The following WDR89 variants were observed in gnomAD, a reference collection of about 807,000 sequenced individuals.
The protein encoded by WDR89 is WD repeat domain 89, also known as WD repeat-containing protein 89.
Under a neutral mutation model 29.1 loss-of-function variants are expected in WDR89, and 17 were observed. That is an observed-to-expected ratio of 0.58 (90% CI 0.40 to 0.88). The LOEUF (loss-of-function observed/expected upper bound fraction) is 0.88, where lower values mean the gene tolerates loss of function less well. Among genes scored for constraint, WDR89 ranks in the 40% least tolerant of loss-of-function variants. The pLI is 0.00. For synonymous variants in WDR89, 138 were observed against 157.8 expected, an observed-to-expected ratio of 0.87 and a Z score of 0.94; for missense variants, 396 against 456.3, an observed-to-expected ratio of 0.87 and a Z score of 1.20.
intron 1 of WDR89, among the ~76,000 whole-genome samples, chr14:63,632,576 T>G (rs985335589): frequency 6.6e-6 from 1 of 152,126 alleles, no homozygotes; most frequent in Non-Finnish European, 1.5e-5. Flanking sequence ...GAGGTTGCAG[T>G]GAGCCGTGAT....
intron 2 of WDR89, among the ~76,000 whole-genome samples, chr14:63,605,127 C>T (rs1414068920): frequency 1.3e-5 from 2 of 151,074 alleles, no homozygotes; most frequent in Non-Finnish European, 2.9e-5. Flanking sequence ...TCAGCCTCGG[C>T]GACAGAGCAA....
intron 1 of WDR89, among the ~76,000 whole-genome samples, chr14:63,633,561 G>C: frequency 6.6e-6 from 1 of 152,048 alleles, no homozygotes; most frequent in Middle Eastern, 3.2e-3. Flanking sequence ...TTCCAAATTA[G>C]GAGACCATTC....
At chr14:63,630,035 C>T (rs1050630062) in intron 1 of WDR89, among the ~76,000 whole-genome samples, 5 of 152,068 alleles carry the variant, frequency 3.3e-5, no homozygotes, top group African/African-American at 1.2e-4. Context: ...GCAACTGCTG[C>T]CTCCCAGGTT....
intron 2 of WDR89, among the ~76,000 whole-genome samples, chr14:63,602,240 C>T (rs929806171): frequency 1.1e-4 from 16 of 152,058 alleles, no homozygotes; most frequent in African/African-American, 3.4e-4. Flanking sequence ...TTCTGGAGGC[C>T]GAGGCAGCGA....
At chr14:63,624,608 C>A (rs1031317345) in intron 2 of WDR89, among the ~76,000 whole-genome samples, 1 of 150,508 alleles carries the variant, frequency 6.6e-6, no homozygotes, top group African/African-American at 2.4e-5. Flanking sequence ...ATAAAGAATT[C>A]TTGCAACCAA....
intron 2 of WDR89, among the ~76,000 whole-genome samples, chr14:63,610,971 G>T (rs1881949021): frequency 6.6e-6 from 1 of 151,756 alleles, no homozygotes; most frequent in South Asian, 2.1e-4. Context: ...AAGTGCTGGG[G>T]TTATAGGCAT....
intron 1 of WDR89, among the ~76,000 whole-genome samples, chr14:63,634,521 CAAA>C (rs536589308): frequency 8.2e-6 from 1 of 121,368 alleles, no homozygotes. Flanking sequence ...GACTCCCTCT[CAAA>C]AAAAAAAAAA....
chr14:63,640,796 T>C (rs1884064491), intron 1 of WDR89, among the ~76,000 whole-genome samples: 1 of 148,224 alleles, frequency 6.7e-6, no homozygotes, highest in Non-Finnish European at 1.5e-5. Context: ...TTTAAATAAT[T>C]TCAAATTAAT....
intron 2 of WDR89, among the ~76,000 whole-genome samples, chr14:63,602,065 T>C (rs910061202): frequency 1.3e-5 from 2 of 152,244 alleles, no homozygotes; most frequent in African/African-American, 4.8e-5. Context: ...TTCTTAAGCA[T>C]CTGTCTTTTC....
intron 1 of WDR89, among the ~76,000 whole-genome samples, chr14:63,633,153 T>C (rs1403619310): frequency 6.6e-6 from 1 of 152,030 alleles, no homozygotes; most frequent in African/African-American, 2.4e-5. Flanking sequence ...GTTAAAGAAA[T>C]GCAATATGTA....
chr14:63,627,156 T>A (rs199986717), intron 1 of WDR89, among the ~76,000 whole-genome samples: 5,875 of 133,074 alleles, frequency 0.044, 135 homozygotes, highest in South Asian at 0.079. Flanking sequence ...ACACACTCTC[T>A]CTCTCTCTCT....
chr14:63,599,785 C>A lies in WDR89; in HGVS notation c.158G>T (p.Arg53Ile). 1 of 1,614,148 alleles carries A rather than the reference C, an allele frequency of 6.2e-7. No homozygotes were observed. Among genetic ancestry groups the A allele is most frequent in the Non-Finnish European group, 8.5e-7 (1 of 1,180,024 alleles). The change falls in exon 3 of 3, where the codon AGA becomes ATA. Residue 53 changes from arginine to isoleucine, a missense_variant. By Grantham distance (97) the Arg-to-Ile change is moderately conservative (BLOSUM62 -3). Transcript: ENST00000620954. ...VAVLCSNGSIRIYDKERLNVL... is the reference protein window; with the variant it reads ...VAVLCSNGSIIIYDKERLNVL... ...ATTTAACCTTTCTTTATCATATATT[C>A]TGATTGATCCATTAGAACATAAAAC...
At chr14:63,628,045 AGG>A (rs890327649) in intron 1 of WDR89, among the ~76,000 whole-genome samples, 2 of 152,174 alleles carry the variant, frequency 1.3e-5, no homozygotes, top group African/African-American at 4.8e-5. Flanking sequence ...AGACCAGGCC[AGG>A]CAACATAGCG....
At chr14:63,622,977 G>C (rs1039031646) in intron 2 of WDR89, among the ~76,000 whole-genome samples, 3 of 150,894 alleles carry the variant, frequency 2.0e-5, no homozygotes, top group African/African-American at 7.3e-5. Context: ...AGGTGGGTGG[G>C]TCACTTCGAC....
intron 2 of WDR89, among the ~76,000 whole-genome samples, chr14:63,603,981 T>C (rs1895198749): frequency 6.6e-6 from 1 of 152,216 alleles, no homozygotes; most frequent in Admixed American, 6.5e-5. Context: ...GGAGTATTCT[T>C]TCCCTGCATG....
chr14:63,603,541 C>T (rs1353798399), intron 2 of WDR89, among the ~76,000 whole-genome samples: 1 of 152,188 alleles, frequency 6.6e-6, no homozygotes, highest in Non-Finnish European at 1.5e-5. Context: ...CCTTAGCAGG[C>T]ATTCTTCTAT....
chr14:63,633,880 T>A (rs1398089767), intron 1 of WDR89, among the ~76,000 whole-genome samples: 1 of 152,182 alleles, frequency 6.6e-6, no homozygotes, highest in Non-Finnish European at 1.5e-5. Flanking sequence ...TAAAAAGAAC[T>A]GAAAATCATG....
Position 63,599,698 on chromosome 14 carries a change from C to A in WDR89, c.245G>T (p.Cys82Phe). The A allele has an allele frequency of 6.2e-7, 1 of 1,614,178 alleles. No individual in the cohort carries two copies. Among genetic ancestry groups the A allele is most frequent in the Non-Finnish European group, 8.5e-7 (1 of 1,179,998 alleles). ...AGTACATGCTGAATATACACTGTCA[C>A]AGGAATTTGCAAATCTGACTCCATT... The part of the protein sequence containing the change: ...LLNGVRFANS[C>F]DSVYSACTDG... The change falls in exon 3 of 3, where the codon TGT becomes TTT. Residue 82 changes from cysteine to phenylalanine, a missense_variant. Transcript: ENST00000620954.
At chr14:63,624,707 G>T (rs1387218410) in intron 2 of WDR89, among the ~76,000 whole-genome samples, 1 of 151,994 alleles carries the variant, frequency 6.6e-6, no homozygotes, top group Non-Finnish European at 1.5e-5. Context: ...AAATAAGCAC[G>T]AGGAGCCCAA....
Sources: gnomAD v4.1 joint callset for allele counts (sites outside exome capture counted in the v4.1 genomes callset) on GRCh38, gnomAD v4.1.1 for gene constraint, MANE v1.5 for transcripts, NCBI Gene and HGNC (gene_info 2026-07-23, HGNC 2026-07-21) for gene names.